EYA4: variants seen among roughly 807,000 people sequenced by gnomAD.
EYA4 encodes the protein EYA transcriptional coactivator and phosphatase 4.
In EYA4, 31 loss-of-function variants were observed where a neutral mutation model predicts 87.9. The ratio of observed to expected loss-of-function variants is 0.35; its 90% confidence interval spans 0.27 to 0.48. The LOEUF is 0.48. EYA4 is among the 20% of genes least tolerant of loss of function. EYA4 has a pLI of 0.99. For synonymous variants in EYA4, 263 were observed against 270.6 expected, an observed-to-expected ratio of 0.97 and a Z score of 0.28; for missense variants, 678 against 761.4, an observed-to-expected ratio of 0.89 and a Z score of 1.29.
At chr6:133,369,541 T>C (rs1274471773) in intron 2 of EYA4, among the ~76,000 whole-genome samples, 1 of 152,178 alleles carries the variant, frequency 6.6e-6, no homozygotes, top group African/African-American at 2.4e-5. Flanking sequence ...CATACATGTG[T>C]ACCTAAAACT....
chr6:133,287,680 T>A (rs942921975), intron 2 of EYA4, among the ~76,000 whole-genome samples: 16 of 152,324 alleles, frequency 1.1e-4, no homozygotes, highest in Middle Eastern at 6.8e-3. Context: ...CTGGACATAA[T>A]GGAAAATTAC....
At chr6:133,379,132 G>C (rs1274356098) in intron 2 of EYA4, among the ~76,000 whole-genome samples, 1 of 151,968 alleles carries the variant, frequency 6.6e-6, no homozygotes, top group African/African-American at 2.4e-5. Context: ...GTAAGCCTGG[G>C]GTGATGGTGC....
intron 2 of EYA4, among the ~76,000 whole-genome samples, chr6:133,303,987 C>T (rs1168039658): frequency 1.4e-4 from 21 of 152,190 alleles, no homozygotes; most frequent in Non-Finnish European, 4.4e-5. Flanking sequence ...TATCTTCAGC[C>T]GTTCCTGGAG....
At chr6:133,276,659 C>G (rs923043603) in intron 2 of EYA4, among the ~76,000 whole-genome samples, 2 of 152,116 alleles carry the variant, frequency 1.3e-5, no homozygotes, top group Non-Finnish European at 2.9e-5. Flanking sequence ...CCTGCCTACC[C>G]TCTCAGCTTG....
At chr6:133,296,267 G>A (rs1276852465) in intron 2 of EYA4, among the ~76,000 whole-genome samples, 1 of 152,284 alleles carries the variant, frequency 6.6e-6, no homozygotes, top group African/African-American at 2.4e-5. Flanking sequence ...TCCAAGAGGT[G>A]GTGTGGTGTC....
intron 3 of EYA4, among the ~76,000 whole-genome samples, chr6:133,393,149 G>A (rs1300371383): frequency 6.6e-6 from 1 of 152,136 alleles, no homozygotes; most frequent in Admixed American, 6.5e-5. Flanking sequence ...AGCATCTGTA[G>A]TGCAGAAATT....
At chr6:133,348,963 C>T (rs1783427790) in intron 2 of EYA4, among the ~76,000 whole-genome samples, 1 of 152,162 alleles carries the variant, frequency 6.6e-6, no homozygotes, top group Non-Finnish European at 1.5e-5. Context: ...CTTTGAGGCT[C>T]TACACAAACA....
intron 9 of EYA4, among the ~76,000 whole-genome samples, chr6:133,464,537 T>A (rs964790915): frequency 6.6e-6 from 1 of 152,112 alleles, no homozygotes; most frequent in Admixed American, 6.6e-5. Context: ...TTGGCCTCAC[T>A]CCTTATGAAG....
intron 2 of EYA4, among the ~76,000 whole-genome samples, chr6:133,297,039 A>T (rs905007069): frequency 6.6e-6 from 1 of 152,204 alleles, no homozygotes; most frequent in Non-Finnish European, 1.5e-5. Flanking sequence ...TCTTGCATTA[A>T]TTCTTTCTGG....
At chr6:133,432,054 C>A (rs1201912260) in intron 3 of EYA4, among the ~76,000 whole-genome samples, 2 of 151,408 alleles carry the variant, frequency 1.3e-5, no homozygotes, top group Non-Finnish European at 2.9e-5. Flanking sequence ...TCCTTAGGGA[C>A]CTTAACAAAC....
intron 13 of EYA4, among the ~76,000 whole-genome samples, chr6:133,502,033 C>A (rs1179288628): frequency 6.6e-6 from 1 of 150,406 alleles, no homozygotes. Context: ...TTATTTTCTT[C>A]ATCTTCCTCT....
At chr6:133,509,126 G>A (rs1798905562) in intron 14 of EYA4, among the ~76,000 whole-genome samples, 2 of 152,080 alleles carry the variant, frequency 1.3e-5, no homozygotes, top group African/African-American at 2.4e-5. Context: ...AAAACCAATA[G>A]AATCAAAACA....
intron 3 of EYA4, among the ~76,000 whole-genome samples, chr6:133,412,523 T>C (rs1416669764): frequency 2.0e-5 from 3 of 152,212 alleles, no homozygotes. Context: ...AATGTATGTA[T>C]TTTTTGTGTG....
At chr6:133,506,994 A>AT (rs988140581) in intron 14 of EYA4, among the ~76,000 whole-genome samples, 2 of 151,108 alleles carry the variant, frequency 1.3e-5, no homozygotes, top group Admixed American at 6.6e-5. Context: ...TTTCTCTTTC[A>AT]TTTTTTTTCA....
At chr6:133,374,760 A>G (rs904908188) in intron 2 of EYA4, among the ~76,000 whole-genome samples, 2 of 152,026 alleles carry the variant, frequency 1.3e-5, no homozygotes, top group African/African-American at 4.8e-5. Flanking sequence ...AAGAAAATGG[A>G]GGAATAAATA....
At chr6:133,432,149 T>C (rs1182013952) in intron 3 of EYA4, among the ~76,000 whole-genome samples, 9 of 152,082 alleles carry the variant, frequency 5.9e-5, no homozygotes, top group Non-Finnish European at 1.0e-4. Flanking sequence ...ATATGCATTG[T>C]CATCCCTCCT....
chr6:133,513,886 T>A (rs1799372999), intron 16 of EYA4, among the ~76,000 whole-genome samples: 1 of 152,150 alleles, frequency 6.6e-6, no homozygotes, highest in South Asian at 2.1e-4. Context: ...TAAATATACA[T>A]GTGCATACTA....
chr6:133,449,242 A>G (rs1484888963), intron 5 of EYA4, among the ~76,000 whole-genome samples: 1 of 152,240 alleles, frequency 6.6e-6, no homozygotes, highest in African/African-American at 2.4e-5. Flanking sequence ...CATAGAAAAT[A>G]TGTAAATGAA....
At chr6:133,366,691 T>G (rs1425801284) in intron 2 of EYA4, among the ~76,000 whole-genome samples, 1 of 151,188 alleles carries the variant, frequency 6.6e-6, no homozygotes, top group East Asian at 2.0e-4. Context: ...ACATGATTTG[T>G]TAAGTGTTTA....
Sources: gnomAD v4.1 joint callset for allele counts (sites outside exome capture counted in the v4.1 genomes callset) on GRCh38, gnomAD v4.1.1 for gene constraint, MANE v1.5 for transcripts, NCBI Gene and HGNC (gene_info 2026-07-23, HGNC 2026-07-21) for gene names.